Variants in EVI5 observed in about 807,000 individuals in gnomAD.
The protein encoded by EVI5 is ecotropic viral integration site 5 protein homolog.
Under a neutral mutation model 112.0 loss-of-function variants are expected in EVI5, and 73 were observed. The observed-to-expected ratio is 0.65, with a 90% CI of 0.54 to 0.79. EVI5 has a LOEUF of 0.79. Among genes scored for constraint, EVI5 ranks in the 30% least tolerant of loss-of-function variants. EVI5 has a pLI of 0.00. For synonymous variants in EVI5, 305 were observed against 319.9 expected, an observed-to-expected ratio of 0.95 and a Z score of 0.50; for missense variants, 900 against 968.8, an observed-to-expected ratio of 0.93 and a Z score of 0.94.
chr1:92,580,772 C>A (rs74816910), intron 18 of EVI5: 3,147 of 156,122 alleles, frequency 0.02, 118 homozygotes, highest in African/African-American at 0.071. Flanking sequence ...GCTTTGATGT[C>A]TGGGGGCAGA....
intron 18 of EVI5, among the ~76,000 whole-genome samples, chr1:92,574,251 T>C (rs989141561): frequency 2.0e-5 from 3 of 152,134 alleles, no homozygotes; most frequent in African/African-American, 7.2e-5. Flanking sequence ...ATTCTGTTTG[T>C]TGAAAAATCA....
intron 2 of EVI5, among the ~76,000 whole-genome samples, chr1:92,713,611 A>C (rs537702816): frequency 8.6e-5 from 13 of 151,774 alleles, no homozygotes; most frequent in Non-Finnish European, 1.6e-4. Flanking sequence ...CCCCATCTCT[A>C]CCAAAAACTA....
chr1:92,785,729 C>T (rs1685563973), upstream of EVI5, among the ~76,000 whole-genome samples: 2 of 152,178 alleles, frequency 1.3e-5, no homozygotes, highest in South Asian at 4.2e-4. Flanking sequence ...AATTTCTGGT[C>T]CAGGAAAAGC....
At chr1:92,536,331 G>T (rs1663887598) in intron 19 of EVI5, among the ~76,000 whole-genome samples, 1 of 151,958 alleles carries the variant, frequency 6.6e-6, no homozygotes, top group African/African-American at 2.4e-5. Flanking sequence ...AATTTACAAA[G>T]AATAAAGCAT....
intron 13 of EVI5, among the ~76,000 whole-genome samples, chr1:92,657,904 C>T (rs1393003106): frequency 6.6e-6 from 1 of 152,112 alleles, no homozygotes; most frequent in Non-Finnish European, 1.5e-5. Flanking sequence ...GGTTGCCACA[C>T]AGTCTTAAAC....
chr1:92,615,665 C>T (rs1652953660), intron 16 of EVI5, among the ~76,000 whole-genome samples: 1 of 152,110 alleles, frequency 6.6e-6, no homozygotes, highest in Non-Finnish European at 1.5e-5. Flanking sequence ...AGGAGATGAA[C>T]CCTGCGCTGC....
At chr1:92,777,233 G>A (rs897536350) in intron 1 of EVI5, among the ~76,000 whole-genome samples, 2 of 152,134 alleles carry the variant, frequency 1.3e-5, no homozygotes, top group East Asian at 1.9e-4. Context: ...CCACCACCAC[G>A]CCCGGCCCAT....
intron 13 of EVI5, among the ~76,000 whole-genome samples, chr1:92,661,592 T>C (rs1045435041): frequency 7.2e-5 from 11 of 152,150 alleles, no homozygotes; most frequent in Non-Finnish European, 1.5e-4. Flanking sequence ...GCTTTGATAT[T>C]ATTGACATTA....
At chr1:92,675,123 G>A (rs543628444) in intron 10 of EVI5, among the ~76,000 whole-genome samples, 2 of 152,214 alleles carry the variant, frequency 1.3e-5, no homozygotes, top group Admixed American at 1.3e-4. Flanking sequence ...CAGGTGGATC[G>A]CCTGCACTCA....
chr1:92,600,031 C>G (rs931996255), intron 18 of EVI5, among the ~76,000 whole-genome samples: 1 of 152,002 alleles, frequency 6.6e-6, no homozygotes, highest in Non-Finnish European at 1.5e-5. Context: ...AACAACAGTT[C>G]AGGTAAGGGG....
intron 5 of EVI5, among the ~76,000 whole-genome samples, chr1:92,699,723 G>A (rs1319512018): frequency 6.6e-6 from 1 of 152,150 alleles, no homozygotes; most frequent in Non-Finnish European, 1.5e-5. Context: ...TAGGCCAACT[G>A]TAACATGATG....
At chr1:92,639,854 C>T (rs1317885027) in intron 13 of EVI5, among the ~76,000 whole-genome samples, 2 of 152,170 alleles carry the variant, frequency 1.3e-5, no homozygotes, top group Admixed American at 1.3e-4. Context: ...CATCACGCTA[C>T]CTGACTTCAA....
chr1:92,580,041 A>T (rs6675246), intron 18 of EVI5, among the ~76,000 whole-genome samples: 140,273 of 152,274 alleles, frequency 0.92, 64,701 homozygotes, highest in East Asian at 0.97. Context: ...AACCTTCAGA[A>T]TGACAATGTA....
In EVI5 at chr1:92,572,719, C is replaced by A. The variant is rs568210754; in HGVS notation, c.2071-8982G>T. 7.3e-5 allele frequency among the ~76,000 whole-genome samples: 10 copies of A among 136,180 alleles called. No individual in the cohort carries two copies. In the East Asian group the frequency reaches 1.7e-3, roughly 24 times the overall value. 89.3% of individuals were successfully genotyped at this position (136,180 alleles called of 152,430 possible). On this transcript the variant is annotated intron_variant, in intron 18 of 19. Transcript: ENST00000684568. ...TCAAGTCTAAACCAAACAGGATAAC[C>A]ATATCTGTTTTGTACAGTGATGGGT...
chr1:92,625,923 G>C lies in EVI5; in HGVS notation c.1539C>G (p.Ser513=). The change falls in exon 15 of 20, where the codon TCC becomes TCG. Residue 513 remains serine, a synonymous_variant. Coordinates refer to ENST00000684568, the MANE Select transcript of EVI5 (RefSeq NM_001350197.2). ...KVLDIEKRNN[S]LPDENNIARL... The stretch of plus-strand genomic sequence containing the variant: ...TTGCAATATTATTCTCATCAGGAAG[G>C]GAGTTATTCCTCTAAAGAAGAAGAA... The C allele has an allele frequency of 6.3e-7, 1 of 1,598,784 alleles. No individual in the cohort carries two copies. The highest frequency in any genetic ancestry group is 8.6e-7 in the Non-Finnish European group (1 of 1,169,118).
At chr1:92,740,997 C>T (rs909999361) in intron 1 of EVI5, among the ~76,000 whole-genome samples, 1 of 152,116 alleles carries the variant, frequency 6.6e-6, no homozygotes, top group African/African-American at 2.4e-5. Context: ...TGTATGGTGC[C>T]AGAGGTTTGG....
At chr1:92,517,449 CACCGTGGTAG>C in intron 19 of EVI5, among the ~76,000 whole-genome samples, 1 of 152,306 alleles carries the variant, frequency 6.6e-6, no homozygotes, top group African/African-American at 2.4e-5. Flanking sequence ...CTCTCAGAAT[CACCGTGGTAG>C]ACCCTCTGGT....
At chr1:92,548,196 C>T (rs1181943931) in intron 19 of EVI5, among the ~76,000 whole-genome samples, 43 of 152,188 alleles carry the variant, frequency 2.8e-4, no homozygotes, top group African/African-American at 8.2e-4. Context: ...GTTCAACATA[C>T]GAAAATCAAT....
At chr1:92,560,198 G>GA (rs1489545762) in intron 19 of EVI5, among the ~76,000 whole-genome samples, 1 of 152,132 alleles carries the variant, frequency 6.6e-6, no homozygotes, top group African/African-American at 2.4e-5. Flanking sequence ...TTATGCAAAG[G>GA]AAAATTACAC....
Sources: allele counts gnomAD v4.1 joint callset (sites outside exome capture counted in the v4.1 genomes callset), GRCh38; gene constraint gnomAD v4.1.1; transcripts MANE v1.5; gene names NCBI Gene and HGNC (gene_info 2026-07-23, HGNC 2026-07-21).